The following TDRD3 variants were observed in gnomAD, a reference collection of about 807,000 sequenced individuals.
TDRD3 encodes the protein tudor domain-containing protein 3.
TDRD3 carries 45 observed loss-of-function variants against 86.7 expected under a neutral mutation model. That is an observed-to-expected ratio of 0.52 (90% CI 0.41 to 0.67). The LOEUF (loss-of-function observed/expected upper bound fraction) is 0.67. Ranked by LOEUF, TDRD3 falls within the 30% of genes least tolerant of loss-of-function variation. The pLI is 0.00. For missense variants in TDRD3, 814 were observed against 889.0 expected, an observed-to-expected ratio of 0.92 and a Z score of 1.07; for synonymous variants, 298 against 301.7, an observed-to-expected ratio of 0.99 and a Z score of 0.13.
chr13:60,477,713 G>A (rs1342163608), intron 5 of TDRD3, among the ~76,000 whole-genome samples: 5 of 152,096 alleles, frequency 3.3e-5, no homozygotes, highest in Admixed American at 6.6e-5. Flanking sequence ...TGCATCCCAG[G>A]GATAAAGACC....
chr13:60,569,962 G>A (rs564254147), intron 13 of TDRD3, among the ~76,000 whole-genome samples: 26 of 152,256 alleles, frequency 1.7e-4, no homozygotes, highest in African/African-American at 5.8e-4. Flanking sequence ...TATGACACTC[G>A]TAGATGACAA....
intron 5 of TDRD3, among the ~76,000 whole-genome samples, chr13:60,480,641 T>G (rs377032952): frequency 6.6e-6 from 1 of 152,242 alleles, no homozygotes; most frequent in Non-Finnish European, 1.5e-5. Context: ...GTATGTTTGG[T>G]CTCTTTACAT....
chr13:60,509,578 C>A, intron 8 of TDRD3, 185 bp from the exon 9 acceptor site: 1 of 694,302 alleles, frequency 1.4e-6, no homozygotes, highest in South Asian at 1.8e-5. Flanking sequence ...CAAGGCACAA[C>A]CCCACATATC....
chr13:60,536,665 G>T (rs2137822721), intron 12 of TDRD3: 1 of 152,112 alleles, frequency 6.6e-6, no homozygotes, highest in East Asian at 1.9e-4. Flanking sequence ...CAATTCTTAT[G>T]TTATTTACTT....
At chr13:60,508,283 G>A (rs1342524421) in intron 8 of TDRD3, among the ~76,000 whole-genome samples, 13 of 152,122 alleles carry the variant, frequency 8.5e-5, no homozygotes, top group African/African-American at 2.9e-4. Context: ...AATTTCAGAT[G>A]GGACCAAAAA....
chr13:60,469,607 T>A (rs1211202771), intron 5 of TDRD3, among the ~76,000 whole-genome samples: 1 of 152,226 alleles, frequency 6.6e-6, no homozygotes, highest in Non-Finnish European at 1.5e-5. Flanking sequence ...ATGATTATAG[T>A]TCTTTTTGGC....
At chr13:60,496,371 A>T (rs1297524711) in intron 8 of TDRD3, among the ~76,000 whole-genome samples, 2 of 137,012 alleles carry the variant, frequency 1.5e-5, no homozygotes, top group African/African-American at 2.7e-5. Flanking sequence ...CCTCTAAAGA[A>T]CCCTAATACA....
chr13:60,503,904 A>C (rs1300557617), intron 8 of TDRD3, among the ~76,000 whole-genome samples: 3 of 152,220 alleles, frequency 2.0e-5, no homozygotes, highest in Non-Finnish European at 2.9e-5. Flanking sequence ...GATTCCATCT[A>C]ATCTTAACCA....
intron 5 of TDRD3, among the ~76,000 whole-genome samples, chr13:60,479,626 C>G (rs1056954559): frequency 6.6e-6 from 1 of 152,110 alleles, no homozygotes; most frequent in African/African-American, 2.4e-5. Context: ...TTGTGTTTGT[C>G]TAAGTCTTTT....
intron 13 of TDRD3, among the ~76,000 whole-genome samples, chr13:60,571,876 G>A (rs186609133): frequency 2.6e-5 from 4 of 152,152 alleles, no homozygotes; most frequent in Admixed American, 2.6e-4. Flanking sequence ...GGGAGCATGT[G>A]GAAAAATAGG....
intron 13 of TDRD3, among the ~76,000 whole-genome samples, chr13:60,569,199 G>A (rs1958529945): frequency 6.6e-6 from 1 of 152,060 alleles, no homozygotes; most frequent in Non-Finnish European, 1.5e-5. Context: ...AAACTCCTGA[G>A]CTCAAGCAAT....
chr13:60,488,555 A>G (rs1956501914), intron 7 of TDRD3, among the ~76,000 whole-genome samples: 1 of 151,902 alleles, frequency 6.6e-6, no homozygotes, highest in South Asian at 2.1e-4. Flanking sequence ...CCCATTTTTA[A>G]ATTGGATTGT....
intron 2 of TDRD3, among the ~76,000 whole-genome samples, chr13:60,442,886 T>C (rs1955313524): frequency 6.6e-6 from 1 of 152,062 alleles, no homozygotes; most frequent in African/African-American, 2.4e-5. Flanking sequence ...TTTTGTCTAG[T>C]GCTCATTTAC....
intron 1 of TDRD3, among the ~76,000 whole-genome samples, chr13:60,409,625 C>T (rs190255923): frequency 6.0e-4 from 91 of 152,170 alleles, no homozygotes; most frequent in Non-Finnish European, 1.1e-3. Flanking sequence ...CCCTGTAACC[C>T]CTTTGTTTTG....
intron 1 of TDRD3, among the ~76,000 whole-genome samples, chr13:60,428,870 C>T (rs1217496508): frequency 6.6e-6 from 1 of 152,142 alleles, no homozygotes; most frequent in African/African-American, 2.4e-5. Context: ...AAGGGAGTAT[C>T]AGAGTAAAGC....
At chr13:60,490,985 C>T (rs899514609) in intron 7 of TDRD3, among the ~76,000 whole-genome samples, 9 of 151,910 alleles carry the variant, frequency 5.9e-5, no homozygotes, top group Admixed American at 6.6e-5. Context: ...GGCGTGGTGG[C>T]GCATGCCTAT....
intron 1 of TDRD3, among the ~76,000 whole-genome samples, chr13:60,399,919 C>T (rs1411293273): frequency 2.6e-5 from 4 of 152,068 alleles, no homozygotes; most frequent in South Asian, 2.1e-4. Flanking sequence ...TATTTTTAAG[C>T]GCAGTTTTTT....
chr13:60,459,528 A>T (rs967010131), intron 3 of TDRD3, among the ~76,000 whole-genome samples: 2 of 152,228 alleles, frequency 1.3e-5, no homozygotes, highest in African/African-American at 4.8e-5. Flanking sequence ...TACAACTCAT[A>T]CTTCTTCAAC....
chr13:60,416,833 C>G (rs1317418778), intron 1 of TDRD3, among the ~76,000 whole-genome samples: 1 of 152,094 alleles, frequency 6.6e-6, no homozygotes, highest in Non-Finnish European at 1.5e-5. Flanking sequence ...CCTTGTCTCC[C>G]CTAACACTGT....
Sources: allele counts gnomAD v4.1 joint callset (sites outside exome capture counted in the v4.1 genomes callset), GRCh38; gene constraint gnomAD v4.1.1; transcripts MANE v1.5; gene names NCBI Gene and HGNC (gene_info 2026-07-23, HGNC 2026-07-21).